The following ERC2 variants were observed in gnomAD, a reference collection of about 807,000 sequenced individuals.
ERC2 encodes the protein ELKS/RAB6-interacting/CAST family member 2.
A neutral mutation model predicts 114.8 loss-of-function variants in ERC2; 42 were observed. The observed-to-expected ratio is 0.37, with a 90% confidence interval of 0.29 to 0.47. The LOEUF (loss-of-function observed/expected upper bound fraction) is 0.47, where lower values mean the gene tolerates loss of function less well. Among genes scored for constraint, ERC2 ranks in the 20% least tolerant of loss-of-function variants. The pLI, the probability that ERC2 is intolerant of heterozygous loss-of-function variation, is 0.99. For missense variants in ERC2, 939 were observed against 1,150.7 expected (o/e 0.82, Z 2.66); for synonymous variants, 454 against 425.5 (o/e 1.07, Z -0.82).
chr3:56,138,052 T>G (rs76763476), intron 6 of ERC2, among the ~76,000 whole-genome samples: 3 of 112,944 alleles, frequency 2.7e-5, no homozygotes, highest in African/African-American at 1.1e-4. Context: ...ATGGTATTTC[T>G]TTTTTTTTTT....
At chr3:56,228,926 G>A (rs2050428334) in intron 3 of ERC2, among the ~76,000 whole-genome samples, 1 of 152,078 alleles carries the variant, frequency 6.6e-6, no homozygotes, top group Non-Finnish European at 1.5e-5. Context: ...GCAGGGAGGG[G>A]TTCCAGTTCA....
intron 14 of ERC2, among the ~76,000 whole-genome samples, chr3:55,851,711 T>C (rs537595357): frequency 3.4e-5 from 5 of 149,158 alleles, no homozygotes; most frequent in African/African-American, 9.9e-5. Flanking sequence ...AATCCAAAAA[T>C]CCCATCTACT....
intron 2 of ERC2, among the ~76,000 whole-genome samples, chr3:56,391,885 C>G (rs1265874272): frequency 6.6e-6 from 1 of 152,040 alleles, no homozygotes; most frequent in Non-Finnish European, 1.5e-5. Context: ...CTTCTCTGTC[C>G]CCGAGGCATC....
chr3:55,597,733 G>A (rs1388898412), intron 17 of ERC2, among the ~76,000 whole-genome samples: 1 of 152,160 alleles, frequency 6.6e-6, no homozygotes, highest in Non-Finnish European at 1.5e-5. Context: ...AATGGAGCCT[G>A]GAACAGAGTA....
intron 2 of ERC2, among the ~76,000 whole-genome samples, chr3:56,308,028 G>A (rs946673673): frequency 2.6e-5 from 4 of 152,130 alleles, no homozygotes; most frequent in African/African-American, 9.7e-5. Flanking sequence ...TTGAGGGGCT[G>A]GGGGTGCAGA....
intron 14 of ERC2, among the ~76,000 whole-genome samples, chr3:55,884,445 T>G (rs1162154336): frequency 6.6e-6 from 1 of 152,204 alleles, no homozygotes; most frequent in Non-Finnish European, 1.5e-5. Context: ...TATTGTTTCT[T>G]TATACTGCCT....
At chr3:55,571,819 G>A (rs1003299949) in intron 17 of ERC2, among the ~76,000 whole-genome samples, 3 of 152,220 alleles carry the variant, frequency 2.0e-5, no homozygotes, top group African/African-American at 7.2e-5. Context: ...CACTAGCACA[G>A]GGCCTAGCAC....
intron 14 of ERC2, among the ~76,000 whole-genome samples, chr3:55,848,553 G>A (rs59046040): frequency 1.4e-4 from 21 of 152,116 alleles, no homozygotes; most frequent in Admixed American, 1.2e-3. Context: ...CACCTCCGCC[G>A]TCATCTCCCC....
chr3:56,357,588 G>C (rs138105593), intron 2 of ERC2, among the ~76,000 whole-genome samples: 246 of 152,044 alleles, frequency 1.6e-3, no homozygotes, highest in African/African-American at 5.4e-3. Flanking sequence ...AAGTTACAGG[G>C]TTGCTGCAGC....
At chr3:55,763,123 T>C (rs968691615) in intron 14 of ERC2, among the ~76,000 whole-genome samples, 2 of 152,200 alleles carry the variant, frequency 1.3e-5, no homozygotes, top group Admixed American at 1.3e-4. Flanking sequence ...AGGCAGCCTG[T>C]AGGCAGATAG....
chr3:56,325,193 C>T (rs2057303273), intron 2 of ERC2, among the ~76,000 whole-genome samples: 1 of 151,938 alleles, frequency 6.6e-6, no homozygotes, highest in South Asian at 2.1e-4. Flanking sequence ...GTCTGTAATC[C>T]CAGCACTTTG....
intron 17 of ERC2, among the ~76,000 whole-genome samples, chr3:55,654,068 G>C (rs923968476): frequency 6.6e-6 from 1 of 152,224 alleles, no homozygotes; most frequent in African/African-American, 2.4e-5. Flanking sequence ...TCCAGAAAAG[G>C]ATGCTGAACT....
At chr3:55,633,282 T>C (rs1374170108) in intron 17 of ERC2, among the ~76,000 whole-genome samples, 1 of 152,196 alleles carries the variant, frequency 6.6e-6, no homozygotes, top group East Asian at 1.9e-4. Flanking sequence ...CATTCCATAA[T>C]GTCTGCTGAA....
chr3:56,157,125 G>A (rs765242447), intron 4 of ERC2, among the ~76,000 whole-genome samples: 3 of 152,112 alleles, frequency 2.0e-5, no homozygotes, highest in Non-Finnish European at 2.9e-5. Flanking sequence ...AACTGGAATC[G>A]TTCCCTCAAT....
intron 3 of ERC2, among the ~76,000 whole-genome samples, chr3:56,183,664 T>C (rs2083420720): frequency 6.6e-6 from 1 of 152,212 alleles, no homozygotes; most frequent in African/African-American, 2.4e-5. Flanking sequence ...AATCCACTAT[T>C]GGCCAGGTAG....
At chr3:55,872,519 A>G (rs2062631793) in intron 14 of ERC2, among the ~76,000 whole-genome samples, 1 of 152,242 alleles carries the variant, frequency 6.6e-6, no homozygotes, top group Admixed American at 6.5e-5. Flanking sequence ...AAGCCTGCAA[A>G]GGAAAGCTTC....
intron 14 of ERC2, among the ~76,000 whole-genome samples, chr3:55,748,785 CAAAT>C (rs2066473736): frequency 6.6e-6 from 1 of 152,136 alleles, no homozygotes; most frequent in Admixed American, 6.5e-5. Context: ...TCAAAATAAA[CAAAT>C]AAACAGAAAC....
chr3:55,835,339 T>C (rs1232126740), intron 14 of ERC2, among the ~76,000 whole-genome samples: 1 of 152,140 alleles, frequency 6.6e-6, no homozygotes, highest in Non-Finnish European at 1.5e-5. Flanking sequence ...TGAACATTGA[T>C]GCAAAAATCC....
intron 2 of ERC2, among the ~76,000 whole-genome samples, chr3:56,387,306 C>A (rs1360624695): frequency 6.6e-6 from 1 of 152,156 alleles, no homozygotes; most frequent in Non-Finnish European, 1.5e-5. Context: ...TTACAAAATT[C>A]ATCAGTTTGG....
Sources: allele counts gnomAD v4.1 joint callset (sites outside exome capture counted in the v4.1 genomes callset), GRCh38; gene constraint gnomAD v4.1.1; transcripts MANE v1.5; gene names NCBI Gene and HGNC (gene_info 2026-07-23, HGNC 2026-07-21).